Variants in TNS1 observed in about 807,000 individuals in gnomAD.
TNS1 encodes the protein tensin-1.
TNS1 carries 62 observed loss-of-function variants against 168.6 expected under a neutral mutation model. That is an observed-to-expected ratio of 0.37 (90% CI 0.30 to 0.45). The LOEUF is 0.45. Ranked by LOEUF, TNS1 falls within the 20% of genes least tolerant of loss-of-function variation. TNS1 has a pLI of 1.00. For synonymous variants in TNS1, 934 were observed against 933.2 expected, an observed-to-expected ratio of 1.00 and a Z score of -0.02; for missense variants, 2,240 against 2,339.4, an observed-to-expected ratio of 0.96 and a Z score of 0.88.
upstream of TNS1, among the ~76,000 whole-genome samples, chr2:218,003,331 T>A (rs1958605356): frequency 6.6e-6 from 1 of 151,972 alleles, no homozygotes; most frequent in Non-Finnish European, 1.5e-5. Context: ...CCTGGGGGCC[T>A]TCACTCCTGG....
chr2:217,937,188 TCCCCTA>T, intron 3 of TNS1: 1 of 373,282 alleles, frequency 2.7e-6, no homozygotes, highest in Admixed American at 3.1e-5. Context: ...ACTCCCCTAC[TCCCCTA>T]CTCCCCCCAC....
rs1180553502 is a variant in TNS1 at position 217,937,850 on chromosome 2, T to C, written c.187-17614A>G. Among the ~76,000 whole-genome samples the C allele has an allele frequency of 2.6e-5, 4 of 152,168 alleles. No individual in the cohort carries two copies. In the South Asian group the frequency reaches 8.3e-4, roughly 32 times the overall value. The stretch of plus-strand genomic sequence containing the variant: ...GAGGAGCACTGCTCTCCCACCCAGA[T>C]GGACCCAGGGTGGAGCCCCTCTTTC... On this transcript the variant is annotated intron_variant, in intron 3 of 32. Coordinates refer to ENST00000682258, the MANE Select transcript of TNS1 (RefSeq NM_001387777.1).
At chr2:217,829,472 C>T (rs1249621608) in intron 22 of TNS1, among the ~76,000 whole-genome samples, 1 of 152,214 alleles carries the variant, frequency 6.6e-6, no homozygotes. Flanking sequence ...GAGCACGTCC[C>T]GGGAAAGGGG....
chr2:217,892,390 C>T (rs976913642), intron 11 of TNS1, among the ~76,000 whole-genome samples: 1 of 152,252 alleles, frequency 6.6e-6, no homozygotes, highest in Non-Finnish European at 1.5e-5. Context: ...GCGTGAGCCA[C>T]TGCGCCCAGC....
At chr2:217,960,586 T>G (rs1190707497) in intron 3 of TNS1, among the ~76,000 whole-genome samples, 1 of 152,102 alleles carries the variant, frequency 6.6e-6, no homozygotes, top group Non-Finnish European at 1.5e-5. Flanking sequence ...GCACTCGGCC[T>G]CCACGTACCA....
Position 217,813,313 on chromosome 2 carries a change from A to G in TNS1, c.4862-6T>C. 2 of 1,572,174 alleles carry G rather than the reference A, an allele frequency of 1.3e-6. No individual in the cohort carries two copies. Among genetic ancestry groups the G allele is most frequent in the African/African-American group, 1.4e-5 (1 of 74,000 alleles). ...CAGCTCATGGGTCATGTCTCCTGGG[A>G]CAAAGAGAAAGAAATAAGGCTCAGT... On this transcript the variant is annotated splice_region_variant and splice_polypyrimidine_tract_variant and intron_variant, in intron 26 of 32. Transcript: ENST00000682258. The surrounding 1 kb of genome is among the most constrained non-coding windows in gnomAD (Gnocchi z 4.0).
upstream of TNS1, among the ~76,000 whole-genome samples, chr2:218,007,164 C>T (rs780014845): frequency 2.0e-5 from 3 of 151,340 alleles, no homozygotes; most frequent in Non-Finnish European, 4.4e-5. Context: ...GGTAAAGATC[C>T]CAACAGCACG....
chr2:217,942,585 G>A (rs1956968300), intron 3 of TNS1, among the ~76,000 whole-genome samples: 1 of 152,154 alleles, frequency 6.6e-6, no homozygotes, highest in Non-Finnish European at 1.5e-5. Flanking sequence ...GAGGTCACAT[G>A]TGAGCCACCA....
intron 8 of TNS1, among the ~76,000 whole-genome samples, chr2:217,896,842 C>T (rs1354172902): frequency 2.0e-5 from 3 of 152,130 alleles, no homozygotes; most frequent in African/African-American, 4.8e-5. Flanking sequence ...CATATACTTC[C>T]GTAGACTTTA....
chr2:217,835,287 G>T, intron 20 of TNS1, 121 bp from the exon 21 acceptor site: 1 of 898,254 alleles, frequency 1.1e-6, no homozygotes, highest in Non-Finnish European at 1.7e-6. Context: ...CGTCAGCCTG[G>T]CTCCTCACTG....
chr2:217,880,607 A>G lies in TNS1; in HGVS notation c.1429+291T>C, dbSNP rs1251250498. Among the ~76,000 whole-genome samples, 1 of 152,182 alleles carries G rather than the reference A, an allele frequency of 6.6e-6. No homozygotes were observed. The highest frequency in any genetic ancestry group is 1.5e-5 in the Non-Finnish European group (1 of 68,022). On this transcript the variant is annotated intron_variant, in intron 18 of 32. Coordinates refer to ENST00000682258, the MANE Select transcript of TNS1 (RefSeq NM_001387777.1). The surrounding 1 kb of genome is among the most constrained non-coding windows in gnomAD (Gnocchi z 4.2). ...CTCAAAATCCCTCCCTGCCAATCCC[A>G]GAGAACTCACTGTCCACGGAACTTA...
chr2:217,960,582 G>A (rs760220471), intron 3 of TNS1, among the ~76,000 whole-genome samples: 2 of 152,080 alleles, frequency 1.3e-5, no homozygotes, highest in African/African-American at 2.4e-5. Flanking sequence ...TCTAGCACTC[G>A]GCCTCCACGT....
At position 217,835,400 on chromosome 2, in the gene TNS1, G is replaced by C. The variant is rs1018569072; in HGVS notation, c.3205-234C>G. Among the ~76,000 whole-genome samples the C allele has an allele frequency of 2.0e-5, 3 of 152,194 alleles. No homozygotes were observed. The East Asian group carries it at 5.8e-4, about 29-fold the overall frequency. On this transcript the variant is annotated intron_variant, in intron 20 of 32. Coordinates refer to ENST00000682258, the MANE Select transcript of TNS1 (RefSeq NM_001387777.1). ...TCATTAGCCTGGCTTTTATAGGCCA[G>C]TACACTCGCTCCCTCAATGTGGCCC...
At chr2:217,959,036 T>C (rs1255621307) in intron 3 of TNS1, among the ~76,000 whole-genome samples, 1 of 152,130 alleles carries the variant, frequency 6.6e-6, no homozygotes, top group Non-Finnish European at 1.5e-5. Flanking sequence ...TGTCCTGGGA[T>C]GAGACAGGCT....
At chr2:217,982,708 T>C (rs1958086253) in intron 2 of TNS1, among the ~76,000 whole-genome samples, 1 of 151,502 alleles carries the variant, frequency 6.6e-6, no homozygotes, top group South Asian at 2.1e-4. Flanking sequence ...AGCCTGTATT[T>C]ATTTTAAACC....
chr2:218,029,414 A>G (rs1405181014), intron 1 of TNS1, among the ~76,000 whole-genome samples: 3 of 152,270 alleles, frequency 2.0e-5, no homozygotes, highest in African/African-American at 7.2e-5. Flanking sequence ...CACATATACC[A>G]AACAGAAATC....
Position 217,831,495 on chromosome 2 carries a change from T to A in TNS1, c.3333A>T (p.Lys1111Asn), listed in dbSNP as rs1016644786. 1.1e-5 allele frequency: 18 copies of A among 1,583,462 alleles called. No individual in the cohort carries two copies. Among genetic ancestry groups the A allele is most frequent in the Non-Finnish European group, 1.5e-5 (17 of 1,166,540 alleles). ...ACAGGATGTCCGCTGGGTTGTGAGG[T>A]TTCAGGCCCAGAGCAGACAGGGGTG... ...AKTPLSALGL[K>N]PHNPADILLH... The change falls in exon 22 of 33, where the codon AAA (lysine) becomes AAT (asparagine). Residue 1111 changes from lysine to asparagine, a missense_variant. Coordinates refer to ENST00000682258, the MANE Select transcript of TNS1 (RefSeq NM_001387777.1).
chr2:218,014,451 C>T (rs1190129617), upstream of TNS1, among the ~76,000 whole-genome samples: 1 of 152,192 alleles, frequency 6.6e-6, no homozygotes, highest in Non-Finnish European at 1.5e-5. Flanking sequence ...TCACCAGCTG[C>T]ACGCATGGGT....
intron 3 of TNS1, among the ~76,000 whole-genome samples, chr2:217,967,304 G>A (rs1225170621): frequency 6.6e-6 from 1 of 152,120 alleles, no homozygotes; most frequent in African/African-American, 2.4e-5. Flanking sequence ...CTGGGTGACA[G>A]AGCGAGACTC....
Sources: gnomAD v4.1 joint callset for allele counts (sites outside exome capture counted in the v4.1 genomes callset) on GRCh38, gnomAD v4.1.1 for gene constraint, Gnocchi (gnomAD v3.1) non-coding constraint, MANE v1.5 for transcripts, NCBI Gene and HGNC (gene_info 2026-07-23, HGNC 2026-07-21) for gene names.